The following TIGAR variants were observed in gnomAD, a reference collection of about 807,000 sequenced individuals.
TIGAR encodes fructose-2,6-bisphosphatase TIGAR.
A neutral mutation model predicts 17.9 loss-of-function variants in TIGAR; 7 were observed. That is an observed-to-expected ratio of 0.39 (90% CI 0.22 to 0.73). The LOEUF (loss-of-function observed/expected upper bound fraction) is 0.73, where lower values mean the gene tolerates loss of function less well. Among genes scored for constraint, TIGAR ranks in the 30% least tolerant of loss-of-function variants. The pLI is 0.42. For missense variants in TIGAR, 258 were observed against 327.4 expected, an observed-to-expected ratio of 0.79 and a Z score of 1.64; for synonymous variants, 94 against 108.6, an observed-to-expected ratio of 0.87 and a Z score of 0.84.
chr12:4,326,550 A>G (rs1472354077), intron 1 of TIGAR, among the ~76,000 whole-genome samples: 1 of 152,238 alleles, frequency 6.6e-6, no homozygotes, highest in African/African-American at 2.4e-5. Context: ...GAATGCTGTG[A>G]TTGTTAATAA....
At position 4,321,263 on chromosome 12, in the gene TIGAR, T is replaced by C; in HGVS notation, c.-9T>C. 6.2e-7 allele frequency: 1 copy of C among 1,600,982 alleles called. No individual in the cohort carries two copies. Among genetic ancestry groups the C allele is most frequent in the Non-Finnish European group, 8.5e-7 (1 of 1,179,796 alleles). The stretch of plus-strand genomic sequence containing the variant: ...CGCGGGGCCACCGACGGGACGCGGC[T>C]CCGGGAACATGGCTCGCTTCGCTCT... On this transcript the variant is annotated 5_prime_UTR_variant, in exon 1 of 6. Coordinates refer to ENST00000179259, the MANE Select transcript of TIGAR (RefSeq NM_020375.3). The surrounding 1 kb of genome is among the most constrained non-coding windows in gnomAD (Gnocchi z 5.2).
rs1004427096 is a variant in TIGAR, at chr12:4,321,868, A to C, written c.32+565A>C. ...CACAGCTCTGATCTCAGCAGACCGT[A>C]TCATCCCAAATAAATGTTTTTATTA... On this transcript the variant is annotated intron_variant, in intron 1 of 5. Coordinates refer to ENST00000179259, the MANE Select transcript of TIGAR (RefSeq NM_020375.3). The surrounding 1 kb of genome is among the most constrained non-coding windows in gnomAD (Gnocchi z 5.2). 6.6e-6 allele frequency among the ~76,000 whole-genome samples: 1 copy of C among 152,236 alleles called. No individual in the cohort carries two copies. The highest frequency in any genetic ancestry group is 1.9e-4 in the East Asian group (1 of 5,202).
At chr12:4,335,576 C>T (rs11063088) in intron 2 of TIGAR, 5,466 of 152,262 alleles carry the variant, frequency 0.036, 466 homozygotes, top group East Asian at 0.33. Context: ...AAGTCAGTAG[C>T]GTGTAATGTG....
At chr12:4,350,482 A>G (rs1864826554) in intron 4 of TIGAR, among the ~76,000 whole-genome samples, 1 of 152,174 alleles carries the variant, frequency 6.6e-6, no homozygotes, top group Admixed American at 6.5e-5. Flanking sequence ...ATAGCTTAAC[A>G]ATGTTGCCAT....
chr12:4,324,930 T>C, intron 1 of TIGAR: 2 of 299,434 alleles, frequency 6.7e-6, no homozygotes, highest in South Asian at 6.5e-5. Context: ...TAGTAAAGTT[T>C]TTTTGTTTTT....
chr12:4,322,296 T>G (rs1491000757), intron 1 of TIGAR, among the ~76,000 whole-genome samples: 1 of 152,172 alleles, frequency 6.6e-6, no homozygotes, highest in Non-Finnish European at 1.5e-5. Flanking sequence ...CGCGCCCTGC[T>G]AAGAGCACAG....
In TIGAR at chr12:4,353,451, A is replaced by G. The variant is rs576913076; in HGVS notation, c.*760A>G. On this transcript the variant is annotated 3_prime_UTR_variant, in exon 6 of 6. Transcript: ENST00000179259. ...TTCTTATCTAACCTGTAGGCTGAAGAATTTCCAGTTTGAGGAAGGCTCTAA... is the reference window on the plus strand; with the variant it reads ...TTCTTATCTAACCTGTAGGCTGAAGGATTTCCAGTTTGAGGAAGGCTCTAA... The G allele has an allele frequency of 6.6e-6, 1 of 152,352 alleles. No individual in the cohort carries two copies. The highest frequency in any genetic ancestry group is 2.1e-4 in the South Asian group (1 of 4,826). 9.4% of individuals were successfully genotyped at this position (152,352 alleles called of 1,614,324 possible). A position where few individuals can be genotyped will look rare whatever the true frequency, so the allele number is the denominator to read the frequency against.
intron 1 of TIGAR, chr12:4,324,727 ACGTCC>A (rs71850632): frequency 0.98 from 734,872 of 746,354 alleles, 362,434 homozygotes; most frequent in East Asian, 1. Context: ...CTCGCAGGAC[ACGTCC>A]CGTCCCGCAG....
intron 1 of TIGAR, among the ~76,000 whole-genome samples, chr12:4,329,832 C>T (rs951317424): frequency 6.6e-6 from 1 of 152,058 alleles, no homozygotes; most frequent in Non-Finnish European, 1.5e-5. Flanking sequence ...GCAATCCCTG[C>T]TTGTGCCTTT....
chr12:4,342,643 A>G (rs1413235885), intron 3 of TIGAR, among the ~76,000 whole-genome samples: 3 of 152,240 alleles, frequency 2.0e-5, no homozygotes, highest in Non-Finnish European at 4.4e-5. Flanking sequence ...ACTAAGCTTC[A>G]TAAGTGAAGG....
chr12:4,340,920 T>A (rs1335096403), intron 3 of TIGAR, among the ~76,000 whole-genome samples: 3 of 152,142 alleles, frequency 2.0e-5, no homozygotes, highest in African/African-American at 7.2e-5. Context: ...ATCTAAGACC[T>A]CAAACTATGA....
chr12:4,321,247 A>C lies in TIGAR; in HGVS notation c.-25A>C. The stretch of plus-strand genomic sequence containing the variant: ...TGCAGGGGCAGCGCGGCGCGGGGCC[A>C]CCGACGGGACGCGGCTCCGGGAACA... On this transcript the variant is annotated 5_prime_UTR_variant, in exon 1 of 6. Transcript: ENST00000179259. The surrounding 1 kb of genome is among the most constrained non-coding windows in gnomAD (Gnocchi z 5.2). 6.2e-7 allele frequency: 1 copy of C among 1,600,312 alleles called. No individual in the cohort carries two copies. The highest frequency in any genetic ancestry group is 8.5e-7 in the Non-Finnish European group (1 of 1,179,738).
intron 3 of TIGAR, among the ~76,000 whole-genome samples, chr12:4,341,136 C>T (rs1448125574): frequency 6.6e-6 from 1 of 152,112 alleles, no homozygotes; most frequent in Non-Finnish European, 1.5e-5. Flanking sequence ...TTGTAAACTA[C>T]CCATCTGACA....
intron 1 of TIGAR, among the ~76,000 whole-genome samples, chr12:4,324,038 G>A (rs3900746): frequency 6.6e-6 from 1 of 152,296 alleles, no homozygotes; most frequent in South Asian, 2.1e-4. Context: ...AACCTGTTAG[G>A]AATCTTGTGC....
intron 3 of TIGAR, among the ~76,000 whole-genome samples, chr12:4,345,588 C>T (rs898436787): frequency 2.6e-5 from 4 of 152,198 alleles, no homozygotes; most frequent in Non-Finnish European, 5.9e-5. Context: ...CCCTTCCTTA[C>T]ACCTTATACA....
In TIGAR at chr12:4,359,379, T is replaced by C. The variant is rs917578414; in HGVS notation, c.*6688T>C. Among the ~76,000 whole-genome samples the C allele has an allele frequency of 6.6e-6, 1 of 152,200 alleles. No individual in the cohort carries two copies. The highest frequency in any genetic ancestry group is 2.4e-5 in the African/African-American group (1 of 41,440). On this transcript the variant is annotated 3_prime_UTR_variant, in exon 6 of 6. Transcript: ENST00000179259. ...TTCTTTAAGTACTTTCTTTCTGGTA[T>C]TAACAATATGCTCCAGACTCATTCT... is the stretch of plus-strand genomic sequence containing the variant.
Position 4,359,467 on chromosome 12 carries a change from A to G in TIGAR, c.*6776A>G, listed in dbSNP as rs1179773832. Among the ~76,000 whole-genome samples, 2 of 152,034 alleles carry G rather than the reference A, an allele frequency of 1.3e-5. No individual in the cohort carries two copies. Among genetic ancestry groups the G allele is most frequent in the African/African-American group, 4.8e-5 (2 of 41,380 alleles). The stretch of plus-strand genomic sequence containing the variant: ...AGAGCCCTGGTTCTTTGGAAATGAA[A>G]TGAAAGACGCCTGGTGTGCATGGTA... On this transcript the variant is annotated 3_prime_UTR_variant, in exon 6 of 6. Transcript: ENST00000179259.
intron 2 of TIGAR, 122 bp from the exon 3 acceptor site, chr12:4,336,917 G>A: frequency 8.7e-7 from 1 of 1,155,786 alleles, no homozygotes; most frequent in East Asian, 2.8e-5. Context: ...TTACGTGGAA[G>A]AGTACTTAAA....
In TIGAR at chr12:4,321,450, CT is replaced by C; in HGVS notation, c.32+149del. ...GCTTGGAAGCGCTTTTTCCGGGGCG[CT>C]TGCCCTGGGGCCGTCCCGTGTCGCC... On this transcript the variant is annotated intron_variant, in intron 1 of 5. Transcript: ENST00000179259. The surrounding 1 kb of genome is among the most constrained non-coding windows in gnomAD (Gnocchi z 5.2). 2 of 1,195,070 alleles carry C rather than the reference CT, an allele frequency of 1.7e-6. No individual in the cohort carries two copies. The highest frequency in any genetic ancestry group is 2.3e-6 in the Non-Finnish European group (2 of 853,424). 74.0% of individuals were successfully genotyped at this position (1,195,070 alleles called of 1,614,324 possible).
Sources: allele counts gnomAD v4.1 joint callset (sites outside exome capture counted in the v4.1 genomes callset), GRCh38; gene constraint gnomAD v4.1.1; non-coding constraint Gnocchi (gnomAD v3.1); transcripts MANE v1.5; gene names NCBI Gene and HGNC (gene_info 2026-07-23, HGNC 2026-07-21).